Variants in ZNF567 observed in about 807,000 individuals in gnomAD.
The protein encoded by ZNF567 is zinc finger protein 567.
In ZNF567, 36 loss-of-function variants were observed where a neutral mutation model predicts 53.9. The ratio of observed to expected loss-of-function variants is 0.67; its 90% confidence interval spans 0.51 to 0.88. The LOEUF is 0.88. Among genes scored for constraint, ZNF567 ranks in the 40% least tolerant of loss-of-function variants. The pLI, the probability that ZNF567 is intolerant of heterozygous loss-of-function variation, is 0.00. For missense variants in ZNF567, 619 were observed against 764.7 expected (o/e 0.81, Z 2.25); for synonymous variants, 224 against 260.4 (o/e 0.86, Z 1.35).
At chr19:36,727,294 A>C (rs1600593953), downstream of ZNF567, 1 of 146,924 alleles carries the variant, frequency 6.8e-6, no homozygotes, top group African/African-American at 2.5e-5. Flanking sequence ...GGTCTCACAA[A>C]CTCCTGATCT....
At chr19:36,677,070 G>A in the ZNF567 span, among the ~76,000 whole-genome samples, 10 of 147,870 alleles carry the variant, frequency 6.8e-5, no homozygotes, top group African/African-American at 1.5e-4. Context: ...CAGGAGAATC[G>A]CATGAACCTG....
At chr19:36,678,032 T>C in the ZNF567 span, among the ~76,000 whole-genome samples, 1 of 152,200 alleles carries the variant, frequency 6.6e-6, no homozygotes, top group Non-Finnish European at 1.5e-5. Context: ...CCAATTTCTT[T>C]TCCTATATAC....
At chr19:36,676,190 C>G in the ZNF567 span, among the ~76,000 whole-genome samples, 1 of 150,092 alleles carries the variant, frequency 6.7e-6, no homozygotes, top group Non-Finnish European at 1.5e-5. Context: ...CTCAGCCTCC[C>G]GAGTAGCTGG....
At chr19:36,686,580 G>C (rs1473335374), upstream of ZNF567, 1 of 152,138 alleles carries the variant, frequency 6.6e-6, no homozygotes, top group African/African-American at 2.4e-5. Flanking sequence ...GGATCACATG[G>C]AACCTGACCT....
chr19:36,696,613 G>A (rs1361251781), intron 3 of ZNF567, among the ~76,000 whole-genome samples: 1 of 152,108 alleles, frequency 6.6e-6, no homozygotes, highest in Non-Finnish European at 1.5e-5. Context: ...AAACTATTGA[G>A]TGGTAAATTC....
the ZNF567 span, chr19:36,668,311 A>C: frequency 6.6e-6 from 1 of 152,230 alleles, no homozygotes; most frequent in Non-Finnish European, 1.5e-5. Flanking sequence ...TCATGCGGCG[A>C]GCGCCGCCAC....
At position 36,720,879 on chromosome 19, in the gene ZNF567, A is replaced by G. The variant is rs899616298; in HGVS notation, c.*211A>G. 2.7e-6 allele frequency: 1 copy of G among 373,730 alleles called. No homozygotes were observed. Among genetic ancestry groups the G allele is most frequent in the Non-Finnish European group, 4.7e-6 (1 of 214,630 alleles). 23.2% of individuals were successfully genotyped at this position (373,730 alleles called of 1,614,324 possible). A position where few individuals can be genotyped will look rare whatever the true frequency, so the allele number is the denominator to read the frequency against. ...TCTATCAGCTATGAAGCTAAATTTT[A>G]AAGTCAACTGCTCTTCCTACTGACT... On this transcript the variant is annotated 3_prime_UTR_variant, in exon 6 of 6. Coordinates refer to ENST00000682579, the MANE Select transcript of ZNF567 (RefSeq NM_001322917.1).
intron 3 of ZNF567, among the ~76,000 whole-genome samples, chr19:36,695,289 G>A (rs1223555202): frequency 6.6e-6 from 1 of 151,848 alleles, no homozygotes; most frequent in Admixed American, 6.6e-5. Flanking sequence ...AGCACTTTGG[G>A]AGGCCGAGGT....
At chr19:36,726,982 T>TTTTG (rs2040337185), downstream of ZNF567, 1 of 55,390 alleles carries the variant, frequency 1.8e-5, no homozygotes, top group Non-Finnish European at 3.6e-5. Flanking sequence ...CTTTCTTTCT[T>TTTTG]TTTCTTTCTT....
At chr19:36,684,818 T>G (rs2145477543), upstream of ZNF567, among the ~76,000 whole-genome samples, 1 of 152,274 alleles carries the variant, frequency 6.6e-6, no homozygotes, top group East Asian at 1.9e-4. Flanking sequence ...AGGATTAGGA[T>G]GATAACACTT....
intron 3 of ZNF567, among the ~76,000 whole-genome samples, chr19:36,706,733 G>C (rs1274736785): frequency 6.8e-6 from 1 of 146,280 alleles, no homozygotes; most frequent in East Asian, 2.0e-4. Flanking sequence ...GAGGGCAGTG[G>C]TGCAATCAAC....
chr19:36,679,594 G>A, the ZNF567 span, among the ~76,000 whole-genome samples: 4 of 152,136 alleles, frequency 2.6e-5, no homozygotes, highest in African/African-American at 9.7e-5. Context: ...GTCCATCAAT[G>A]GATGAATGGA....
In ZNF567 at chr19:36,712,375, A is replaced by G. The variant is rs1568707219; in HGVS notation, c.10-11A>G. On this transcript the variant is annotated splice_polypyrimidine_tract_variant and intron_variant, in intron 3 of 5. Coordinates refer to ENST00000682579, the MANE Select transcript of ZNF567 (RefSeq NM_001322917.1). ...GTCCACCTGTTCTGATTACAGTTCC[A>G]TCCATTCTAGGGATCAGTGTCTTTC... 6.2e-7 allele frequency: 1 copy of G among 1,612,488 alleles called. No homozygotes were observed. The highest frequency in any genetic ancestry group is 8.5e-7 in the Non-Finnish European group (1 of 1,179,228).
intron 3 of ZNF567, among the ~76,000 whole-genome samples, chr19:36,700,531 C>T (rs1303811649): frequency 1.1e-4 from 17 of 150,420 alleles, no homozygotes; most frequent in East Asian, 5.9e-4. Context: ...TGGTAGAATT[C>T]GGCTGTGAAT....
At chr19:36,707,179 T>C (rs2145775689) in intron 3 of ZNF567, among the ~76,000 whole-genome samples, 1 of 152,260 alleles carries the variant, frequency 6.6e-6, no homozygotes, top group South Asian at 2.1e-4. Flanking sequence ...AAATTTTTTA[T>C]GATTTCATTT....
At chr19:36,682,352 T>C in the ZNF567 span, among the ~76,000 whole-genome samples, 3 of 151,376 alleles carry the variant, frequency 2.0e-5, no homozygotes, top group South Asian at 2.1e-4. Context: ...TATAATGTTA[T>C]CTATATGTAT....
In ZNF567 at chr19:36,689,413, A is replaced by C. The variant is rs2038478749; in HGVS notation, c.-151A>C. On this transcript the variant is annotated 5_prime_UTR_variant, in exon 2 of 6. It removes an upstream start codon present in the reference 5' UTR. Coordinates refer to ENST00000682579, the MANE Select transcript of ZNF567 (RefSeq NM_001322917.1). ...TCCCTATAGGCAGTCTTTAGCTCTC[A>C]TGGATTGGGAGCTGGGAAAGGAATG... 1 of 151,856 alleles carries C rather than the reference A, an allele frequency of 6.6e-6. No homozygotes were observed. Among genetic ancestry groups the C allele is most frequent in the Non-Finnish European group, 1.5e-5 (1 of 67,984 alleles). 9.4% of individuals were successfully genotyped at this position (151,856 alleles called of 1,614,324 possible). A position where few individuals can be genotyped will look rare whatever the true frequency, so the allele number is the denominator to read the frequency against.
chr19:36,716,554 G>A (rs1182463133), intron 5 of ZNF567, among the ~76,000 whole-genome samples: 1 of 152,066 alleles, frequency 6.6e-6, no homozygotes, highest in Non-Finnish European at 1.5e-5. Context: ...TTTCTTTGAA[G>A]GAATCAAGCA....
At position 36,715,100 on chromosome 19, in the gene ZNF567, A is replaced by G. The variant is rs1016249990; in HGVS notation, c.223+2233A>G. Among the ~76,000 whole-genome samples, 4 of 152,032 alleles carry G rather than the reference A, an allele frequency of 2.6e-5. No individual in the cohort carries two copies. In the South Asian group the frequency reaches 6.2e-4, roughly 24 times the overall value. On this transcript the variant is annotated intron_variant, in intron 5 of 5. Coordinates refer to ENST00000682579, the MANE Select transcript of ZNF567 (RefSeq NM_001322917.1). ...CTATCATCTCACCTATTTTCTGACA[A>G]TGTGTCAGAAATGAAAATCACTGAC...
Sources: allele counts gnomAD v4.1 joint callset (sites outside exome capture counted in the v4.1 genomes callset), GRCh38; gene constraint gnomAD v4.1.1; transcripts MANE v1.5; gene names NCBI Gene and HGNC (gene_info 2026-07-23, HGNC 2026-07-21).